Variants in HEMK2 observed in about 807,000 individuals in gnomAD.
HEMK2 encodes HemK methyltransferase 2, ETF1 glutamine and histone H4 lysine, also known as methyltransferase HEMK2.
At chr21:28,814,552 C>A in the HEMK2 span, among the ~76,000 whole-genome samples, 1 of 151,244 alleles carries the variant, frequency 6.6e-6, no homozygotes, top group Non-Finnish European at 1.5e-5. Flanking sequence ...AAAAAAACCC[C>A]ATCAAAAAGT....
the HEMK2 span, among the ~76,000 whole-genome samples, chr21:28,802,201 G>A: frequency 6.6e-6 from 1 of 152,094 alleles, no homozygotes; most frequent in African/African-American, 2.4e-5. Flanking sequence ...TTGTAAAAAA[G>A]TAAGAAGTTT....
the HEMK2 span, among the ~76,000 whole-genome samples, chr21:28,759,495 G>A: frequency 6.6e-6 from 1 of 152,152 alleles, no homozygotes; most frequent in South Asian, 2.1e-4. Flanking sequence ...TTGGACTGTG[G>A]ACTTTTGAGT....
chr21:28,852,369 C>A, the HEMK2 span, among the ~76,000 whole-genome samples: 1 of 152,158 alleles, frequency 6.6e-6, no homozygotes, highest in Non-Finnish European at 1.5e-5. Context: ...ACACACTGGA[C>A]CCACTTTAAG....
chr21:28,663,507 G>A, the HEMK2 span, among the ~76,000 whole-genome samples: 1 of 152,250 alleles, frequency 6.6e-6, no homozygotes, highest in South Asian at 2.1e-4. Flanking sequence ...CTGCAGTGCA[G>A]CATGTGGACA....
At chr21:28,853,929 G>C in the HEMK2 span, among the ~76,000 whole-genome samples, 1 of 152,158 alleles carries the variant, frequency 6.6e-6, no homozygotes, top group African/African-American at 2.4e-5. Flanking sequence ...TGGTGAGGTT[G>C]TACATGCACC....
the HEMK2 span, among the ~76,000 whole-genome samples, chr21:28,644,805 A>C: frequency 6.6e-6 from 1 of 152,182 alleles, no homozygotes; most frequent in African/African-American, 2.4e-5. Context: ...AGGCAATGTA[A>C]AATACTGGAA....
the HEMK2 span, among the ~76,000 whole-genome samples, chr21:28,768,779 C>G: frequency 2.0e-5 from 3 of 151,928 alleles, no homozygotes; most frequent in Non-Finnish European, 4.4e-5. Flanking sequence ...GCCCTAACCT[C>G]TGATGTGACT....
chr21:28,695,331 T>C, the HEMK2 span, among the ~76,000 whole-genome samples: 1 of 152,248 alleles, frequency 6.6e-6, no homozygotes, highest in East Asian at 1.9e-4. Context: ...ATTTGGGTTG[T>C]GGGGGCAGAT....
chr21:28,883,083 AT>A, the HEMK2 span: 51 of 1,562,926 alleles, frequency 3.3e-5, no homozygotes, highest in Admixed American at 2.6e-4. Flanking sequence ...TGAAAAAAAA[AT>A]AAATAAATAT....
At chr21:28,737,974 A>T in the HEMK2 span, among the ~76,000 whole-genome samples, 464 of 152,330 alleles carry the variant, frequency 3.0e-3, 1 homozygote, top group African/African-American at 0.011. Context: ...CTGAAAAGCC[A>T]ATTGCACTGT....
chr21:28,818,479 T>C, the HEMK2 span, among the ~76,000 whole-genome samples: 4 of 152,156 alleles, frequency 2.6e-5, no homozygotes, highest in South Asian at 4.1e-4. Flanking sequence ...ATTAGTTCTG[T>C]CCCTCTAGAG....
chr21:28,856,556 C>A, the HEMK2 span, among the ~76,000 whole-genome samples: 16 of 152,220 alleles, frequency 1.1e-4, no homozygotes, highest in African/African-American at 3.6e-4. Flanking sequence ...ATGAAAGTAT[C>A]GAGTAAATTC....
chr21:28,611,341 C>A, the HEMK2 span, among the ~76,000 whole-genome samples: 6 of 152,088 alleles, frequency 3.9e-5, no homozygotes, highest in African/African-American at 1.2e-4. Flanking sequence ...TTAAAATATT[C>A]TTTGAACTGA....
the HEMK2 span, among the ~76,000 whole-genome samples, chr21:28,796,324 GAGAC>G: frequency 6.6e-6 from 1 of 152,020 alleles, no homozygotes; most frequent in African/African-American, 2.4e-5. Flanking sequence ...ATTTTTAGTA[GAGAC>G]AGGGTTTCAC....
the HEMK2 span, among the ~76,000 whole-genome samples, chr21:28,608,403 A>C: frequency 1.7e-4 from 26 of 152,034 alleles, no homozygotes; most frequent in African/African-American, 5.3e-4. Context: ...AAAAAAAAAA[A>C]AGAAATGCGA....
At chr21:28,863,823 T>C in the HEMK2 span, among the ~76,000 whole-genome samples, 1 of 151,966 alleles carries the variant, frequency 6.6e-6, no homozygotes, top group African/African-American at 2.4e-5. Context: ...GAAACAGTCT[T>C]TTCTATAATT....
chr21:28,809,748 A>G, the HEMK2 span, among the ~76,000 whole-genome samples: 1 of 152,194 alleles, frequency 6.6e-6, no homozygotes, highest in Non-Finnish European at 1.5e-5. Flanking sequence ...AATGCTTTTT[A>G]AAATGCTTTG....
the HEMK2 span, among the ~76,000 whole-genome samples, chr21:28,734,142 C>A: frequency 6.6e-6 from 1 of 152,300 alleles, no homozygotes; most frequent in African/African-American, 2.4e-5. Flanking sequence ...GAGCCACTCA[C>A]ATTTGCTTCA....
chr21:28,813,463 G>A, the HEMK2 span, among the ~76,000 whole-genome samples: 10 of 152,226 alleles, frequency 6.6e-5, no homozygotes, highest in South Asian at 2.1e-4. Context: ...CCATGTTCAC[G>A]GATAGGAAGA....
Sources: allele counts gnomAD v4.1 joint callset (sites outside exome capture counted in the v4.1 genomes callset), GRCh38; gene constraint gnomAD v4.1.1; transcripts MANE v1.5; gene names NCBI Gene and HGNC (gene_info 2026-07-23, HGNC 2026-07-21).